Variants in EGF observed in about 807,000 individuals in gnomAD.
The protein encoded by EGF is pro-epidermal growth factor.
A neutral mutation model predicts 143.8 loss-of-function variants in EGF; 95 were observed. The observed-to-expected ratio is 0.66, with a 90% confidence interval of 0.56 to 0.78. The LOEUF is 0.78. Ranked by LOEUF, EGF falls within the 30% of genes least tolerant of loss-of-function variation. The pLI is 0.00. For synonymous variants in EGF, 510 were observed against 510.5 expected (o/e 1.00, Z 0.01); for missense variants, 1,320 against 1,470.9 (o/e 0.90, Z 1.68).
intron 9 of EGF, among the ~76,000 whole-genome samples, chr4:109,964,081 A>C (rs1746147959): frequency 6.6e-6 from 1 of 152,200 alleles, no homozygotes; most frequent in South Asian, 2.1e-4. Flanking sequence ...GTGTGAATCA[A>C]GAAGATGTAT....
chr4:109,945,576 A>AAATG (rs1560669828), intron 5 of EGF, among the ~76,000 whole-genome samples: 1 of 151,668 alleles, frequency 6.6e-6, no homozygotes, highest in African/African-American at 2.4e-5. Flanking sequence ...GTCTCTACAA[A>AAATG]AACGAAAGAA....
intron 18 of EGF, among the ~76,000 whole-genome samples, chr4:109,991,972 C>T (rs1007497338): frequency 5.3e-5 from 8 of 151,390 alleles, no homozygotes; most frequent in Admixed American, 6.6e-5. Context: ...GGCAACATAG[C>T]GAAACACTGT....
Position 109,961,917 on chromosome 4 carries a change from C to G in EGF, c.1244C>G (p.Thr415Arg), listed in dbSNP as rs371439656. 9.9e-6 allele frequency: 16 copies of G among 1,613,972 alleles called. No homozygotes were observed. The highest frequency in any genetic ancestry group is 1.2e-5 in the Non-Finnish European group (14 of 1,179,868). Residue 415 changes from threonine to arginine, a missense_variant, in exon 8 of 24, where the codon ACA becomes AGA. By Grantham distance (71) the Thr-to-Arg change is moderately conservative (BLOSUM62 -1). Coordinates refer to ENST00000265171, the MANE Select transcript of EGF (RefSeq NM_001963.6). Reference protein sequence around the residue: ...VSECSHDCVLTSEGPLCFCPE... With the variant: ...VSECSHDCVLRSEGPLCFCPE... ...GAATGCAGCCATGACTGTGTTCTGA[C>G]ATCAGAAGGTCCCTTATGTTTCTGT... is the stretch of plus-strand genomic sequence containing the variant.
intron 14 of EGF, 54 bp downstream of exon 14, chr4:109,980,193 T>A: frequency 6.5e-7 from 1 of 1,536,264 alleles, no homozygotes. Context: ...TGCAACTGTT[T>A]TAATTGTTTG....
intron 22 of EGF, among the ~76,000 whole-genome samples, chr4:110,004,934 ATATTT>A (rs1753055983): frequency 6.6e-6 from 1 of 151,570 alleles, no homozygotes; most frequent in South Asian, 2.1e-4. Context: ...AAGGCTTTCC[ATATTT>A]TTAGTTAATA....
chr4:109,944,931 T>C, intron 4 of EGF, 142 bp from the exon 5 acceptor site: 2 of 866,436 alleles, frequency 2.3e-6, no homozygotes, highest in South Asian at 3.1e-5. Flanking sequence ...TTAAACTTAA[T>C]ATACTTTTCT....
rs548676641 is a variant in EGF, at chr4:109,997,149, G to A, written c.3005+2269G>A. Among the ~76,000 whole-genome samples, 6 of 152,260 alleles carry A rather than the reference G, an allele frequency of 3.9e-5. No individual in the cohort carries two copies. The South Asian group carries it at 1.2e-3, about 32-fold the overall frequency. Reference sequence around the variant, plus strand: ...GATGGGTCAGGGATGAAATCACAGAGAGTTGAAGCTGTCTTCTTGCGCTGA... The same window carrying A: ...GATGGGTCAGGGATGAAATCACAGAAAGTTGAAGCTGTCTTCTTGCGCTGA... On this transcript the variant is annotated intron_variant, in intron 20 of 23. Coordinates refer to ENST00000265171, the MANE Select transcript of EGF (RefSeq NM_001963.6).
intron 12 of EGF, among the ~76,000 whole-genome samples, chr4:109,975,440 C>A (rs937536008): frequency 5.3e-5 from 8 of 152,094 alleles, no homozygotes; most frequent in Admixed American, 3.3e-4. Flanking sequence ...ACTGTGAGAA[C>A]GTAACCATTT....
In EGF at chr4:109,975,802, T is replaced by C. The variant is rs1285433405; in HGVS notation, c.1830-210T>C. On this transcript the variant is annotated intron_variant, in intron 12 of 23. Coordinates refer to ENST00000265171, the MANE Select transcript of EGF (RefSeq NM_001963.6). ...AATGATCTGAGCTTTAATTCAACAT[T>C]TCTTTTCGAAGATGCTTTACATAGA... is the stretch of plus-strand genomic sequence containing the variant. 3.9e-5 allele frequency among the ~76,000 whole-genome samples: 6 copies of C among 152,240 alleles called. No individual in the cohort carries two copies. In the East Asian group the frequency reaches 9.6e-4, roughly 24 times the overall value.
intron 11 of EGF, among the ~76,000 whole-genome samples, chr4:109,969,605 T>TA (rs888007271): frequency 1.7e-4 from 24 of 142,142 alleles, no homozygotes; most frequent in South Asian, 8.7e-4. Context: ...AATATAATAA[T>TA]AAAAAAAAAA....
At chr4:109,969,362 C>A (rs1262435865) in intron 11 of EGF, among the ~76,000 whole-genome samples, 1 of 152,080 alleles carries the variant, frequency 6.6e-6, no homozygotes, top group Non-Finnish European at 1.5e-5. Flanking sequence ...AAAAGAAAAC[C>A]AAACACTGCA....
At chr4:109,938,833 G>T (rs185631029) in intron 1 of EGF, among the ~76,000 whole-genome samples, 1 of 152,156 alleles carries the variant, frequency 6.6e-6, no homozygotes, top group Non-Finnish European at 1.5e-5. Context: ...GTTTGCCTGG[G>T]TATCACCAGT....
intron 10 of EGF, among the ~76,000 whole-genome samples, chr4:109,967,867 T>C (rs777172536): frequency 2.0e-5 from 3 of 152,122 alleles, no homozygotes; most frequent in Non-Finnish European, 2.9e-5. Flanking sequence ...AATTTGTGTA[T>C]CTAAACATAG....
At chr4:109,994,676 T>C in intron 19 of EGF, 57 bp from the exon 20 acceptor site, 4 of 1,582,786 alleles carry the variant, frequency 2.5e-6, no homozygotes, top group Non-Finnish European at 3.5e-6. Flanking sequence ...CTCATATTGA[T>C]ACTTGAAAGA....
chr4:110,000,452 C>T (rs1752435218), intron 21 of EGF, among the ~76,000 whole-genome samples: 1 of 151,946 alleles, frequency 6.6e-6, no homozygotes, highest in Non-Finnish European at 1.5e-5. Flanking sequence ...TTATATGCTC[C>T]CCCCATAGCC....
At chr4:109,954,687 C>A (rs1359371245) in intron 5 of EGF, among the ~76,000 whole-genome samples, 2 of 152,026 alleles carry the variant, frequency 1.3e-5, no homozygotes, top group Non-Finnish European at 2.9e-5. Context: ...TTTCATAAAA[C>A]TAACATATAT....
chr4:109,965,531 A>G (rs916739949), intron 10 of EGF, among the ~76,000 whole-genome samples: 1 of 152,194 alleles, frequency 6.6e-6, no homozygotes. Context: ...GAAAAAAGGC[A>G]GTTCAAGATT....
At chr4:109,943,818 T>G in intron 3 of EGF, 24 bp from the exon 4 acceptor site, 1 of 1,604,270 alleles carries the variant, frequency 6.2e-7, no homozygotes, top group South Asian at 1.1e-5. Context: ...CATTTTTGGG[T>G]CTATGTAATG....
In EGF at chr4:110,011,527, G is replaced by C. The variant is rs746181347; in HGVS notation, c.*72G>C. The C allele has an allele frequency of 3.7e-6, 6 of 1,610,754 alleles. No individual in the cohort carries two copies. The African/African-American group carries it at 8.0e-5, about 22-fold the overall frequency. The stretch of plus-strand genomic sequence containing the variant: ...CACAGTATCTTTTCTTTCAAAAGTA[G>C]AGCAAAACTATAGGTTTTGGTTCCA... On this transcript the variant is annotated 3_prime_UTR_variant, in exon 24 of 24. Transcript: ENST00000265171.
Sources: allele counts gnomAD v4.1 joint callset (sites outside exome capture counted in the v4.1 genomes callset), GRCh38; gene constraint gnomAD v4.1.1; transcripts MANE v1.5; gene names NCBI Gene and HGNC (gene_info 2026-07-23, HGNC 2026-07-21).